ASPSCR1: variants seen among roughly 807,000 people sequenced by gnomAD.
ASPSCR1 encodes tether containing UBX domain for GLUT4.
A neutral mutation model predicts 68.9 loss-of-function variants in ASPSCR1; 55 were observed. The observed-to-expected ratio is 0.80, with a 90% CI of 0.64 to 1.00. The LOEUF (loss-of-function observed/expected upper bound fraction) is 1.00. Ranked by LOEUF, ASPSCR1 falls within the 50% of genes least tolerant of loss-of-function variation. ASPSCR1 has a pLI of 0.00. For synonymous variants in ASPSCR1, 352 were observed against 332.6 expected, an observed-to-expected ratio of 1.06 and a Z score of -0.63; for missense variants, 765 against 762.2, an observed-to-expected ratio of 1.00 and a Z score of -0.04.
chr17:82,001,283 C>A (rs541657022), intron 7 of ASPSCR1, among the ~76,000 whole-genome samples: 1 of 152,090 alleles, frequency 6.6e-6, no homozygotes, highest in Non-Finnish European at 1.5e-5. Context: ...GGGGCTCCTG[C>A]CCCTGGACCC....
chr17:82,010,671 T>C (rs184842222), intron 9 of ASPSCR1, 131 bp from the exon 10 acceptor site: 18 of 912,282 alleles, frequency 2.0e-5, no homozygotes, highest in East Asian at 4.9e-5. Context: ...CAGGCCCTGA[T>C]TGGGGGTGGC....
intron 2 of ASPSCR1, among the ~76,000 whole-genome samples, chr17:81,981,533 C>T (rs2041795722): frequency 6.6e-6 from 1 of 152,096 alleles, no homozygotes; most frequent in Admixed American, 6.5e-5. Context: ...CGTGCGCCAT[C>T]ATGCCCAGCT....
Position 81,996,767 on chromosome 17 carries a change from C to G in ASPSCR1, c.854C>G (p.Ser285Cys). ...SPGGPSKPKK[S>C]KSGQDPQQEQ... ...GGAGGCCCCTCCAAGCCAAAGAAGT[C>G]CAAGTCGGGCCAGGATCCCCAGCAG... The change falls in exon 7 of 16, where the codon TCC becomes TGC. Residue 285 changes from serine (S) to cysteine (C), a missense_variant. Ser to Cys is a moderately radical substitution (Grantham distance 112). Transcript: ENST00000306739. The G allele has an allele frequency of 1.2e-6, 2 of 1,612,142 alleles. No individual in the cohort carries two copies. The highest frequency in any genetic ancestry group is 1.7e-6 in the Non-Finnish European group (2 of 1,179,660).
chr17:81,996,060 C>G lies in ASPSCR1; in HGVS notation c.501C>G (p.Thr167=). 6.2e-7 allele frequency: 1 copy of G among 1,608,394 alleles called. No individual in the cohort carries two copies. Among genetic ancestry groups the G allele is most frequent in the Non-Finnish European group, 8.5e-7 (1 of 1,178,406 alleles). ...TGGGCCTGACCGGGGGCAGCGCCACCATCAGGTAAGGGCAGTGCTGCTGGG... is the reference window on the plus strand; with the variant it reads ...TGGGCCTGACCGGGGGCAGCGCCACGATCAGGTAAGGGCAGTGCTGCTGGG... The part of the protein sequence containing the change: ...QSLGLTGGSA[T]IRFVMKCYDP... Residue 167 remains threonine, a synonymous_variant, in exon 6 of 16, where the codon ACC becomes ACG. Transcript: ENST00000306739.
At chr17:81,991,465 G>C (rs1352213605) in intron 4 of ASPSCR1, among the ~76,000 whole-genome samples, 3 of 152,186 alleles carry the variant, frequency 2.0e-5, no homozygotes, top group African/African-American at 7.2e-5. Flanking sequence ...ACAGGGCTCT[G>C]CCAGGTGGAG....
chr17:81,986,956 G>A lies in ASPSCR1; in HGVS notation c.374+1349G>A, dbSNP rs899037190. 1.3e-5 allele frequency among the ~76,000 whole-genome samples: 2 copies of A among 152,226 alleles called. No homozygotes were observed. The highest frequency in any genetic ancestry group is 2.4e-5 in the African/African-American group (1 of 41,458). On this transcript the variant is annotated intron_variant, in intron 4 of 15. Transcript: ENST00000306739. This position sits in a 1 kb window ranked among gnomAD's most constrained non-coding sequence, Gnocchi z 5.2. ...AATGGAGGCCCCTGGAGATGGCAGC[G>A]GGTTAAGCACGAGCACGGAATTCTC...
chr17:81,996,087 C>G, intron 6 of ASPSCR1, 22 bp downstream of exon 6: 1 of 1,578,294 alleles, frequency 6.3e-7, no homozygotes. Context: ...GCTGCTGGGG[C>G]CGAGGAGTCT....
chr17:82,009,309 C>T, intron 8 of ASPSCR1, 118 bp downstream of exon 8: 1 of 1,424,804 alleles, frequency 7.0e-7, no homozygotes, highest in African/African-American at 1.4e-5. Flanking sequence ...CCCTGACAGG[C>T]TGCCCTTAAC....
At position 81,979,202 on chromosome 17, in the gene ASPSCR1, C is replaced by T. The variant is rs147198825; in HGVS notation, c.121C>T (p.Arg41Trp). ...VLLQVLEDTC[R>W]RQDFNPCEYD... ...CCCCCAGGTTCTGGAGGACACGTGC[C>T]GGCGGCAGGACTTCAACCCCTGTGA... The change falls in exon 2 of 16, where the codon CGG (arginine) becomes TGG (tryptophan). Residue 41 changes from arginine to tryptophan, a missense_variant. Coordinates refer to ENST00000306739, the MANE Select transcript of ASPSCR1 (RefSeq NM_024083.4). 7.9e-5 allele frequency: 127 copies of T among 1,614,086 alleles called. No individual in the cohort carries two copies. The African/African-American group carries it at 1.5e-3, about 19-fold the overall frequency.
chr17:81,983,950 C>T lies in ASPSCR1; in HGVS notation c.273+282C>T, dbSNP rs2041880660. Reference sequence around the variant, plus strand: ...TCGGCTCACTTCAAGCTCCGCCTCCCGGGTTCACACCATTCTGCCTCAGCC... The same window carrying T: ...TCGGCTCACTTCAAGCTCCGCCTCCTGGGTTCACACCATTCTGCCTCAGCC... On this transcript the variant is annotated intron_variant, in intron 3 of 15. Coordinates refer to ENST00000306739, the MANE Select transcript of ASPSCR1 (RefSeq NM_024083.4). The surrounding 1 kb of genome is among the most constrained non-coding windows in gnomAD (Gnocchi z 4.4). Among the ~76,000 whole-genome samples the T allele has an allele frequency of 4.0e-5, 6 of 151,824 alleles. No individual in the cohort carries two copies. In the South Asian group the frequency reaches 1.0e-3, roughly 26 times the overall value.
At chr17:82,016,227 C>T in intron 12 of ASPSCR1, 1 of 554,686 alleles carries the variant, frequency 1.8e-6, no homozygotes, top group East Asian at 2.9e-5. Flanking sequence ...ACCCTCGAGG[C>T]CCCAGCCTTC....
rs1391751417 is a variant in ASPSCR1 at position 81,990,463 on chromosome 17, T to C, written c.375-4358T>C. Among the ~76,000 whole-genome samples, 1 of 152,208 alleles carries C rather than the reference T, an allele frequency of 6.6e-6. No individual in the cohort carries two copies. Among genetic ancestry groups the C allele is most frequent in the Admixed American group, 6.5e-5 (1 of 15,278 alleles). On this transcript the variant is annotated intron_variant, in intron 4 of 15. Coordinates refer to ENST00000306739, the MANE Select transcript of ASPSCR1 (RefSeq NM_024083.4). The surrounding 1 kb of genome is among the most constrained non-coding windows in gnomAD (Gnocchi z 4.1). ...CGCCGAGCTCTGGGGGACACTGCTC[T>C]CCGCCTGCCTGGTGGGCCTGTGTCT...
rs778388667 is a variant in ASPSCR1, at chr17:81,979,255, C to T, written c.158+16C>T. 2 of 1,612,702 alleles carry T rather than the reference C, an allele frequency of 1.2e-6. No individual in the cohort carries two copies. Among genetic ancestry groups the T allele is most frequent in the Non-Finnish European group, 1.7e-6 (2 of 1,178,806 alleles). On this transcript the variant is annotated intron_variant, in intron 2 of 15. Coordinates refer to ENST00000306739, the MANE Select transcript of ASPSCR1 (RefSeq NM_024083.4). Reference sequence around the variant, plus strand: ...ATGATCTGAAGTGAGTTTGCTCCAGCTCAGCAGCAGGGTCTGAGTATATCT... The same window carrying T: ...ATGATCTGAAGTGAGTTTGCTCCAGTTCAGCAGCAGGGTCTGAGTATATCT...
Position 81,986,881 on chromosome 17 carries a change from G to A in ASPSCR1, c.374+1274G>A, listed in dbSNP as rs920802832. On this transcript the variant is annotated intron_variant, in intron 4 of 15. Coordinates refer to ENST00000306739, the MANE Select transcript of ASPSCR1 (RefSeq NM_024083.4). The surrounding 1 kb of genome is among the most constrained non-coding windows in gnomAD (Gnocchi z 5.2). ...GTGAGAGCGCTGAGGTCTGCACGTC[G>A]GGTCTCAGTGGTCATGGGGATGGAA... 3.9e-5 allele frequency among the ~76,000 whole-genome samples: 6 copies of A among 152,176 alleles called. No homozygotes were observed. The highest frequency in any genetic ancestry group is 1.4e-4 in the African/African-American group (6 of 41,434).
rs772676735 is a variant in ASPSCR1 at position 82,017,121 on chromosome 17, G to A, written c.1648+8G>A. The A allele has an allele frequency of 1.8e-5, 28 of 1,584,704 alleles. No individual in the cohort carries two copies. Among genetic ancestry groups the A allele is most frequent in the African/African-American group, 4.0e-5 (3 of 74,560 alleles). On this transcript the variant is annotated splice_region_variant and intron_variant, in intron 15 of 15. Transcript: ENST00000306739. ...AGTGGCTGAAGCTGCCGGGTACTGC[G>A]GCTGGGTGGAAGGTGGGGTGCTGTG...
chr17:82,008,968 C>T (rs2042816076), intron 7 of ASPSCR1, 69 bp from the exon 8 acceptor site: 3 of 1,426,700 alleles, frequency 2.1e-6, no homozygotes, highest in Non-Finnish European at 1.8e-6. Context: ...TCGGCTGGGG[C>T]ACTGACAGCC....
At chr17:82,002,267 A>ATTTTAT (rs556054178) in intron 7 of ASPSCR1, among the ~76,000 whole-genome samples, 1 of 147,366 alleles carries the variant, frequency 6.8e-6, no homozygotes, top group Non-Finnish European at 1.5e-5. Flanking sequence ...ATTTTATTTT[A>ATTTTAT]TTTATTTTTT....
At chr17:81,984,117 C>G (rs1207931556) in intron 3 of ASPSCR1, among the ~76,000 whole-genome samples, 1 of 152,082 alleles carries the variant, frequency 6.6e-6, no homozygotes, top group Non-Finnish European at 1.5e-5. Flanking sequence ...TCCCAAAGTC[C>G]TCCCAAAGGA....
chr17:81,979,199 T>C lies in ASPSCR1; in HGVS notation c.118T>C (p.Cys40Arg). Residue 40 changes from cysteine (C) to arginine (R), a missense_variant, in exon 2 of 16, where the codon TGC becomes CGC. Transcript: ENST00000306739. ...TVLLQVLEDTCRRQDFNPCEY... is the reference protein window; with the variant it reads ...TVLLQVLEDTRRRQDFNPCEY... The stretch of plus-strand genomic sequence containing the variant: ...TCACCCCCAGGTTCTGGAGGACACG[T>C]GCCGGCGGCAGGACTTCAACCCCTG... 6.2e-7 allele frequency: 1 copy of C among 1,614,130 alleles called. No individual in the cohort carries two copies. Among genetic ancestry groups the C allele is most frequent in the East Asian group, 2.2e-5 (1 of 44,886 alleles).
Sources: gnomAD v4.1 joint callset for allele counts (sites outside exome capture counted in the v4.1 genomes callset) on GRCh38, gnomAD v4.1.1 for gene constraint, Gnocchi (gnomAD v3.1) non-coding constraint, MANE v1.5 for transcripts, NCBI Gene and HGNC (gene_info 2026-07-23, HGNC 2026-07-21) for gene names.